The following WBP2NL variants were observed in gnomAD, a reference collection of about 807,000 sequenced individuals.
WBP2NL encodes the protein WBP2 N-terminal like, also known as postacrosomal sheath WW domain-binding protein.
Under a neutral mutation model 23.3 loss-of-function variants are expected in WBP2NL, and 27 were observed. That is an observed-to-expected ratio of 1.16 (90% CI 0.85 to 1.60). WBP2NL has a LOEUF of 1.60. Among genes scored for constraint, WBP2NL ranks in the 40% most tolerant of loss-of-function variants. WBP2NL has a pLI of 0.00. For synonymous variants in WBP2NL, 151 were observed against 145.9 expected (o/e 1.03, Z -0.25); for missense variants, 370 against 389.5 (o/e 0.95, Z 0.42).
intron 1 of WBP2NL, among the ~76,000 whole-genome samples, chr22:42,015,838 C>A (rs745462897): frequency 1.3e-5 from 2 of 152,172 alleles, no homozygotes; most frequent in African/African-American, 2.4e-5. Flanking sequence ...TCTTGTTTCT[C>A]AGGAATATGT....
At chr22:42,032,089 G>A (rs933507010), downstream of WBP2NL, 1 of 152,184 alleles carries the variant, frequency 6.6e-6, no homozygotes, top group Non-Finnish European at 1.5e-5. Flanking sequence ...ACCACCATCT[G>A]CTTTGTTGGT....
chr22:42,014,277 G>A (rs577638216), intron 1 of WBP2NL, among the ~76,000 whole-genome samples: 13 of 152,216 alleles, frequency 8.5e-5, no homozygotes, highest in Non-Finnish European at 1.5e-4. Flanking sequence ...CCAGGCTGGA[G>A]TGCAGTGGTA....
intron 1 of WBP2NL, among the ~76,000 whole-genome samples, chr22:42,007,800 A>G (rs1306769462): frequency 6.6e-6 from 1 of 152,082 alleles, no homozygotes; most frequent in Non-Finnish European, 1.5e-5. Context: ...CCATTCATGC[A>G]CTGATGGACA....
intron 8 of WBP2NL, among the ~76,000 whole-genome samples, chr22:42,044,448 A>G (rs909443316): frequency 6.6e-6 from 1 of 152,208 alleles, no homozygotes; most frequent in Non-Finnish European, 1.5e-5. Flanking sequence ...TTCAAGCCAT[A>G]GCAGGAATTA....
chr22:42,052,368 C>T (rs557831180), intron 8 of WBP2NL, among the ~76,000 whole-genome samples: 205 of 152,256 alleles, frequency 1.3e-3, no homozygotes, highest in African/African-American at 4.7e-3. Context: ...CTGCAACCTC[C>T]ACCTGGTTCC....
chr22:42,041,817 G>A (rs540597709), intron 8 of WBP2NL, among the ~76,000 whole-genome samples: 6 of 152,118 alleles, frequency 3.9e-5, no homozygotes, highest in Non-Finnish European at 8.8e-5. Flanking sequence ...TGCTGATTAG[G>A]ATGTTTTAAA....
chr22:42,057,518 A>G (rs1373797876), intron 8 of WBP2NL, among the ~76,000 whole-genome samples: 1 of 150,622 alleles, frequency 6.6e-6, no homozygotes, highest in Non-Finnish European at 1.5e-5. Flanking sequence ...AAGGTAAAAT[A>G]CCACATAGCT....
downstream of WBP2NL, among the ~76,000 whole-genome samples, chr22:42,029,767 A>G (rs534706961): frequency 4.6e-5 from 7 of 152,350 alleles, no homozygotes; most frequent in South Asian, 6.2e-4. Flanking sequence ...ATGCTTGTAA[A>G]TATTGTTAGT....
chr22:42,056,279 A>C (rs981333773), intron 8 of WBP2NL, among the ~76,000 whole-genome samples: 1 of 90,204 alleles, frequency 1.1e-5, no homozygotes, highest in African/African-American at 3.3e-5. Flanking sequence ...TGTATACAAA[A>C]ATTTTGCTTC....
At position 42,010,561 on chromosome 22, in the gene WBP2NL, C is replaced by T. The variant is rs540662206; in HGVS notation, c.63-8750C>T. Among the ~76,000 whole-genome samples, 469 of 151,416 alleles carry T rather than the reference C, an allele frequency of 3.1e-3. 1 individual carries two copies. Among genetic ancestry groups the T allele is most frequent in the Non-Finnish European group, 5.8e-3 (392 of 67,924 alleles). ...TTCTTTTTTTTCTTTTTTTTTGAGA[C>T]GGAGTCTCGCTCTGTTGCCCAGGCT... On this transcript the variant is annotated intron_variant, in intron 1 of 5. Coordinates refer to ENST00000328823, the MANE Select transcript of WBP2NL (RefSeq NM_152613.3).
chr22:42,003,522 T>G (rs1921910203), intron 1 of WBP2NL: 1 of 151,984 alleles, frequency 6.6e-6, no homozygotes, highest in Non-Finnish European at 1.5e-5. Context: ...GGGAGTAAGT[T>G]GACTAAAAAT....
intron 1 of WBP2NL, among the ~76,000 whole-genome samples, chr22:42,014,027 C>T (rs1239842957): frequency 6.6e-6 from 1 of 152,178 alleles, no homozygotes; most frequent in Non-Finnish European, 1.5e-5. Context: ...GGTGATCCAT[C>T]TGCCTCTGCC....
At chr22:42,018,815 A>G (rs1429164359) in intron 1 of WBP2NL, among the ~76,000 whole-genome samples, 3 of 152,128 alleles carry the variant, frequency 2.0e-5, no homozygotes, top group Admixed American at 6.5e-5. Context: ...GTAAATTGTC[A>G]GAGAATAAGA....
chr22:42,053,904 A>ATCTTGGTG (rs1925932412), intron 8 of WBP2NL, among the ~76,000 whole-genome samples: 1 of 152,134 alleles, frequency 6.6e-6, no homozygotes, highest in South Asian at 2.1e-4. Context: ...TAGTTGGAGT[A>ATCTTGGTG]TATGATTTAC....
chr22:42,008,630 G>A (rs1357076819), intron 1 of WBP2NL, among the ~76,000 whole-genome samples: 3 of 152,040 alleles, frequency 2.0e-5, no homozygotes, highest in African/African-American at 4.8e-5. Flanking sequence ...GGCCATTTGT[G>A]TATTATTGCT....
chr22:42,022,710 C>T (rs944349286), intron 5 of WBP2NL, among the ~76,000 whole-genome samples: 4 of 152,160 alleles, frequency 2.6e-5, no homozygotes, highest in African/African-American at 9.7e-5. Context: ...TGTGCCACAC[C>T]CTTCAACCTT....
downstream of WBP2NL, among the ~76,000 whole-genome samples, chr22:42,035,595 T>C (rs1464275020): frequency 6.6e-6 from 1 of 152,258 alleles, no homozygotes; most frequent in Non-Finnish European, 1.5e-5. Flanking sequence ...CCATCATTAA[T>C]ATGTAGCTAT....
chr22:42,003,793 G>T (rs1921943470), intron 1 of WBP2NL, among the ~76,000 whole-genome samples: 1 of 152,112 alleles, frequency 6.6e-6, no homozygotes, highest in East Asian at 1.9e-4. Context: ...CACTAAGAAA[G>T]ATAAGATATC....
chr22:42,020,883 TA>T (rs1569449973), intron 4 of WBP2NL, among the ~76,000 whole-genome samples: 6 of 37,816 alleles, frequency 1.6e-4, no homozygotes, highest in Admixed American at 2.3e-4. Flanking sequence ...TATATATATA[TA>T]TATATATATA....
Sources: allele counts gnomAD v4.1 joint callset (sites outside exome capture counted in the v4.1 genomes callset), GRCh38; gene constraint gnomAD v4.1.1; transcripts MANE v1.5; gene names NCBI Gene and HGNC (gene_info 2026-07-23, HGNC 2026-07-21).